NKAIN2: variants seen among roughly 807,000 people sequenced by gnomAD.
NKAIN2 encodes the protein sodium/potassium-transporting ATPase subunit beta-1-interacting protein 2.
NKAIN2 carries 14 observed loss-of-function variants against 32.6 expected under a neutral mutation model. The ratio of observed to expected loss-of-function variants is 0.43; its 90% CI spans 0.28 to 0.67. The LOEUF is 0.67. Among genes scored for constraint, NKAIN2 ranks in the 30% least tolerant of loss-of-function variants. The probability of loss-of-function intolerance (pLI) is 0.17; values close to 1 mark genes in which losing one functional copy is unlikely to be tolerated. For synonymous variants in NKAIN2, 80 were observed against 87.2 expected (o/e 0.92, Z 0.46); for missense variants, 198 against 258.3 (o/e 0.77, Z 1.60).
intron 3 of NKAIN2, among the ~76,000 whole-genome samples, chr6:124,625,889 A>G (rs917704877): frequency 6.6e-5 from 8 of 121,800 alleles, no homozygotes; most frequent in African/African-American, 1.9e-4. Flanking sequence ...TCCTCTAACA[A>G]ACAAACATAT....
At chr6:124,755,351 C>A (rs2114720904) in intron 4 of NKAIN2, among the ~76,000 whole-genome samples, 1 of 152,272 alleles carries the variant, frequency 6.6e-6, no homozygotes, top group Non-Finnish European at 1.5e-5. Flanking sequence ...TGGTGCCCAA[C>A]CACGTTGAGG....
intron 1 of NKAIN2, among the ~76,000 whole-genome samples, chr6:123,889,375 A>G (rs147833942): frequency 1.2e-4 from 19 of 152,220 alleles, no homozygotes; most frequent in African/African-American, 3.4e-4. Flanking sequence ...GAATGACCTG[A>G]AATGACAGCT....
chr6:124,702,833 G>C (rs1774866690), intron 4 of NKAIN2, among the ~76,000 whole-genome samples: 1 of 152,058 alleles, frequency 6.6e-6, no homozygotes, highest in Non-Finnish European at 1.5e-5. Context: ...ACATAGCATT[G>C]AAACTACAGC....
At chr6:124,687,162 T>TTC (rs1773937035) in intron 4 of NKAIN2, among the ~76,000 whole-genome samples, 1 of 148,236 alleles carries the variant, frequency 6.7e-6, no homozygotes, top group African/African-American at 2.5e-5. Flanking sequence ...AATATAAATA[T>TTC]TCTCTATATA....
intron 1 of NKAIN2, among the ~76,000 whole-genome samples, chr6:123,900,585 A>G (rs974626785): frequency 9.7e-6 from 1 of 102,818 alleles, no homozygotes; most frequent in Non-Finnish European, 2.0e-5. Flanking sequence ...CTTCAGACAA[A>G]CATTAGTGGT....
chr6:124,692,050 GCTAT>G (rs1774282900), intron 4 of NKAIN2, among the ~76,000 whole-genome samples: 1 of 152,068 alleles, frequency 6.6e-6, no homozygotes, highest in East Asian at 1.9e-4. Flanking sequence ...TGAATATTTG[GCTAT>G]CTTTCTATTA....
At chr6:124,664,648 G>A (rs953892606) in intron 4 of NKAIN2, among the ~76,000 whole-genome samples, 1 of 149,942 alleles carries the variant, frequency 6.7e-6, no homozygotes, top group Admixed American at 6.6e-5. Context: ...CAAAAAATTA[G>A]CCGGGCGTAG....
intron 3 of NKAIN2, among the ~76,000 whole-genome samples, chr6:124,356,492 T>C (rs911092141): frequency 6.6e-6 from 1 of 152,172 alleles, no homozygotes; most frequent in Non-Finnish European, 1.5e-5. Flanking sequence ...CCAAAACTTC[T>C]TGGATGTGTA....
At chr6:123,905,218 A>T (rs1334685118) in intron 1 of NKAIN2, among the ~76,000 whole-genome samples, 1 of 151,962 alleles carries the variant, frequency 6.6e-6, no homozygotes, top group East Asian at 1.9e-4. Flanking sequence ...AGAGACAAAG[A>T]CTTCATTACA....
At chr6:123,852,012 C>A (rs577300118) in intron 1 of NKAIN2, among the ~76,000 whole-genome samples, 2 of 152,124 alleles carry the variant, frequency 1.3e-5, no homozygotes, top group South Asian at 4.1e-4. Flanking sequence ...GGGATCATAT[C>A]AAAAAAATTA....
intron 1 of NKAIN2, among the ~76,000 whole-genome samples, chr6:124,194,334 A>G (rs1377766279): frequency 1.3e-5 from 2 of 151,738 alleles, no homozygotes; most frequent in African/African-American, 2.4e-5. Context: ...TGTGTTTACC[A>G]TTTTCATATT....
intron 3 of NKAIN2, among the ~76,000 whole-genome samples, chr6:124,641,747 A>G (rs1784002647): frequency 6.6e-6 from 1 of 151,368 alleles, no homozygotes. Flanking sequence ...TTTAGTAGAG[A>G]TGGGATTTCA....
intron 1 of NKAIN2, among the ~76,000 whole-genome samples, chr6:124,016,301 T>G (rs1393681950): frequency 6.6e-6 from 1 of 152,202 alleles, no homozygotes; most frequent in African/African-American, 2.4e-5. Context: ...GCAGTTGTAC[T>G]GTCAAAAACT....
intron 2 of NKAIN2, among the ~76,000 whole-genome samples, chr6:124,322,272 G>C (rs186661226): frequency 6.6e-6 from 1 of 151,982 alleles, no homozygotes; most frequent in Non-Finnish European, 1.5e-5. Flanking sequence ...TCAATGACTG[G>C]CTAAAAAGAT....
intron 5 of NKAIN2, chr6:124,804,437 A>G (rs781518058): frequency 1.2e-6 from 1 of 867,908 alleles, no homozygotes. Flanking sequence ...TATTATAGCT[A>G]TTGCTTTTCA....
At chr6:124,566,480 G>T (rs868592882) in intron 3 of NKAIN2, among the ~76,000 whole-genome samples, 7 of 152,046 alleles carry the variant, frequency 4.6e-5, no homozygotes, top group African/African-American at 1.4e-4. Flanking sequence ...GATTGCCCTG[G>T]GTCTCCTCTT....
At chr6:123,934,061 C>T (rs905980077) in intron 1 of NKAIN2, among the ~76,000 whole-genome samples, 2 of 152,156 alleles carry the variant, frequency 1.3e-5, no homozygotes, top group African/African-American at 2.4e-5. Flanking sequence ...ATCACAGTCT[C>T]CAGGGAGGGG....
At chr6:124,678,604 T>A (rs1773471069) in intron 4 of NKAIN2, among the ~76,000 whole-genome samples, 1 of 152,206 alleles carries the variant, frequency 6.6e-6, no homozygotes, top group African/African-American at 2.4e-5. Context: ...ATAATCTCAT[T>A]TTGTTCACCC....
chr6:124,679,006 C>T (rs1204445677), intron 4 of NKAIN2, among the ~76,000 whole-genome samples: 1 of 151,928 alleles, frequency 6.6e-6, no homozygotes, highest in Non-Finnish European at 1.5e-5. Flanking sequence ...TGGTGCATGT[C>T]AGAAGTACCA....
Sources: allele counts gnomAD v4.1 joint callset (sites outside exome capture counted in the v4.1 genomes callset), GRCh38; gene constraint gnomAD v4.1.1; transcripts MANE v1.5; gene names NCBI Gene and HGNC (gene_info 2026-07-23, HGNC 2026-07-21).